Variants in ZNF618 observed in about 807,000 individuals in gnomAD.
ZNF618 encodes the protein zinc finger protein 618.
In ZNF618, 34 loss-of-function variants were observed where a neutral mutation model predicts 103.0. That is an observed-to-expected ratio of 0.33 (90% CI 0.25 to 0.44). ZNF618 has a LOEUF of 0.44. ZNF618 is among the 20% of genes least tolerant of loss of function. The probability of loss-of-function intolerance (pLI) is 1.00; values close to 1 mark genes in which losing one functional copy is unlikely to be tolerated. For synonymous variants in ZNF618, 551 were observed against 542.2 expected, an observed-to-expected ratio of 1.02 and a Z score of -0.23; for missense variants, 1,059 against 1,295.4, an observed-to-expected ratio of 0.82 and a Z score of 2.80.
At chr9:114,032,052 CAGGGGGAA>C in intron 11 of ZNF618, among the ~76,000 whole-genome samples, 1 of 152,230 alleles carries the variant, frequency 6.6e-6, no homozygotes, top group South Asian at 2.1e-4. Flanking sequence ...AGTAGTCACT[CAGGGGGAA>C]CCCATCCCTT....
rs756815473 is a variant in ZNF618, at chr9:114,016,795, C to T, written c.844+11C>T. The T allele has an allele frequency of 3.1e-6, 5 of 1,607,194 alleles. No individual in the cohort carries two copies. The Admixed American group carries it at 6.7e-5, about 22-fold the overall frequency. The stretch of plus-strand genomic sequence containing the variant: ...TACACGCCCCCATCAGTGAGTACCT[C>T]CTCCCGGTAGGGATGGGGGTTGGGG... On this transcript the variant is annotated intron_variant, in intron 10 of 14. Coordinates refer to ENST00000374126, the MANE Select transcript of ZNF618 (RefSeq NM_001318042.2).
intron 2 of ZNF618, among the ~76,000 whole-genome samples, chr9:113,980,672 C>G (rs909485922): frequency 6.6e-6 from 1 of 152,122 alleles, no homozygotes; most frequent in Non-Finnish European, 1.5e-5. Flanking sequence ...TGGGGCATAT[C>G]AAGTTGTAAG....
At chr9:113,881,215 T>G (rs978528456) in intron 1 of ZNF618, among the ~76,000 whole-genome samples, 1 of 152,212 alleles carries the variant, frequency 6.6e-6, no homozygotes, top group Non-Finnish European at 1.5e-5. Context: ...GAGTCTGTGT[T>G]TGTGCTATAT....
intron 13 of ZNF618, among the ~76,000 whole-genome samples, chr9:114,043,957 GT>G (rs1181067799): frequency 6.6e-6 from 1 of 152,134 alleles, no homozygotes; most frequent in African/African-American, 2.4e-5. Flanking sequence ...TTAGTCCTTT[GT>G]CAGATGCATA....
In ZNF618 at chr9:114,049,774, G is replaced by A; in HGVS notation, c.2472G>A (p.Glu824=). 2 of 1,614,014 alleles carry A rather than the reference G, an allele frequency of 1.2e-6. No homozygotes were observed. The highest frequency in any genetic ancestry group is 1.7e-6 in the Non-Finnish European group (2 of 1,179,910). Residue 824 remains glutamate, a synonymous_variant, in exon 15 of 15, where the codon GAG becomes GAA. Transcript: ENST00000374126. The stretch of plus-strand genomic sequence containing the variant: ...CTGTGCCACCCTACCAGCACGAGGA[G>A]ATCATCGGCAAGGTCTGTGAGCTCA... ...LRPVPPYQHE[E]IIGKVCELIN... is the part of the protein sequence containing the mutation.
chr9:113,901,590 CAA>C (rs1437047895), intron 1 of ZNF618, among the ~76,000 whole-genome samples: 1 of 152,190 alleles, frequency 6.6e-6, no homozygotes, highest in Non-Finnish European at 1.5e-5. Context: ...CCGGGCCCAG[CAA>C]AAGACCTTGT....
chr9:113,977,361 A>G (rs1166969057), intron 2 of ZNF618, among the ~76,000 whole-genome samples: 1 of 152,224 alleles, frequency 6.6e-6, no homozygotes, highest in African/African-American at 2.4e-5. Context: ...TTGCTAAGTC[A>G]TAGCCTTGGC....
chr9:113,998,127 A>G, intron 3 of ZNF618, 132 bp from the exon 4 acceptor site: 1 of 800,800 alleles, frequency 1.2e-6, no homozygotes, highest in Non-Finnish European at 2.0e-6. Context: ...GGCCAGCACA[A>G]GGTTTTTAAC....
At chr9:113,947,330 A>C (rs1260987742) in intron 1 of ZNF618, among the ~76,000 whole-genome samples, 1 of 152,216 alleles carries the variant, frequency 6.6e-6, no homozygotes, top group Non-Finnish European at 1.5e-5. Flanking sequence ...AATTGAGATA[A>C]GAATACTTAC....
chr9:113,984,836 G>A (rs814701), intron 2 of ZNF618, among the ~76,000 whole-genome samples: 60,856 of 151,972 alleles, frequency 0.4, 12,495 homozygotes, highest in East Asian at 0.65. Flanking sequence ...AATACACATC[G>A]TTCACTATCA....
chr9:113,918,809 G>C (rs1832361865), intron 1 of ZNF618, among the ~76,000 whole-genome samples: 1 of 152,134 alleles, frequency 6.6e-6, no homozygotes, highest in Non-Finnish European at 1.5e-5. Flanking sequence ...CCCCGGCCCT[G>C]GAATCAGCCC....
chr9:113,901,245 G>A lies in ZNF618; in HGVS notation c.33+24832G>A, dbSNP rs561288130. On this transcript the variant is annotated intron_variant, in intron 1 of 14. Coordinates refer to ENST00000374126, the MANE Select transcript of ZNF618 (RefSeq NM_001318042.2). ...AACTTTGTCTCCAGTTCTCCTCAGG[G>A]CAGAATCTCTCCTTTTCCTCAAGTT... Among the ~76,000 whole-genome samples the A allele has an allele frequency of 8.7e-4, 132 of 152,338 alleles. 1 individual carries two copies. Among genetic ancestry groups the A allele is most frequent in the Admixed American group, 3.3e-3 (51 of 15,312 alleles).
chr9:113,901,269 T>G (rs1385542710), intron 1 of ZNF618, among the ~76,000 whole-genome samples: 1 of 152,200 alleles, frequency 6.6e-6, no homozygotes, highest in Non-Finnish European at 1.5e-5. Context: ...TTTCCTCAAG[T>G]TCTCCTGCGT....
intron 13 of ZNF618, among the ~76,000 whole-genome samples, chr9:114,046,727 A>G (rs1845690923): frequency 6.6e-6 from 1 of 152,144 alleles, no homozygotes; most frequent in Non-Finnish European, 1.5e-5. Flanking sequence ...TTCCTAGTTT[A>G]TTGAGTGTTT....
intron 1 of ZNF618, among the ~76,000 whole-genome samples, chr9:113,951,575 ATATGTGTGTGTGTGTGTGTGTG>A (rs1439294293): frequency 4.1e-5 from 1 of 24,098 alleles, no homozygotes; most frequent in Non-Finnish European, 1.1e-4. Context: ...GTGTGTGTGT[ATATGTGTGTGTGTGTGTGTGTG>A]TATATATATG....
At chr9:113,909,899 C>T (rs1007678426) in intron 1 of ZNF618, among the ~76,000 whole-genome samples, 4 of 152,058 alleles carry the variant, frequency 2.6e-5, no homozygotes, top group African/African-American at 4.8e-5. Context: ...ATTCTTCTGC[C>T]TCAGCCTCCC....
intron 1 of ZNF618, among the ~76,000 whole-genome samples, chr9:113,958,108 G>A (rs1270289908): frequency 1.3e-5 from 2 of 152,134 alleles, no homozygotes; most frequent in Non-Finnish European, 2.9e-5. Flanking sequence ...AAGCAGAGCA[G>A]CATTTATGCA....
At chr9:114,015,330 A>G (rs1842566098) in intron 9 of ZNF618, among the ~76,000 whole-genome samples, 1 of 152,218 alleles carries the variant, frequency 6.6e-6, no homozygotes, top group Non-Finnish European at 1.5e-5. Flanking sequence ...GCTGGCTGTA[A>G]ACACAAAAGG....
chr9:113,994,035 C>T (rs1564269638), intron 3 of ZNF618, among the ~76,000 whole-genome samples: 1 of 152,058 alleles, frequency 6.6e-6, no homozygotes, highest in East Asian at 1.9e-4. Context: ...GAGCGGGAGT[C>T]AAGGATGAGA....
Sources: gnomAD v4.1 joint callset for allele counts (sites outside exome capture counted in the v4.1 genomes callset) on GRCh38, gnomAD v4.1.1 for gene constraint, MANE v1.5 for transcripts, NCBI Gene and HGNC (gene_info 2026-07-23, HGNC 2026-07-21) for gene names.